The following SZT2 variants were observed in gnomAD, a reference collection of about 807,000 sequenced individuals.
SZT2 encodes the protein SZT2 subunit of KICSTOR complex, also known as KICSTOR complex protein SZT2.
In SZT2, 216 loss-of-function variants were observed where a neutral mutation model predicts 404.2. The ratio of observed to expected loss-of-function variants is 0.53; its 90% CI spans 0.48 to 0.60. SZT2 has a LOEUF of 0.60. Ranked by LOEUF, SZT2 falls within the 20% of genes least tolerant of loss-of-function variation. The probability of loss-of-function intolerance (pLI) is 0.00; values close to 1 mark genes in which losing one functional copy is unlikely to be tolerated. For synonymous variants in SZT2, 1,693 were observed against 1,749.9 expected (o/e 0.97, Z 0.81); for missense variants, 3,857 against 4,459.2 (o/e 0.86, Z 3.85).
intron 4 of SZT2, among the ~76,000 whole-genome samples, chr1:43,414,178 G>C (rs1338872737): frequency 6.6e-6 from 1 of 152,014 alleles, no homozygotes; most frequent in Non-Finnish European, 1.5e-5. Context: ...GCTGAGGAAG[G>C]CTGAGGCACA....
chr1:43,419,690 A>G (rs1226462586), intron 7 of SZT2, 44 bp from the exon 8 acceptor site: 3 of 1,505,526 alleles, frequency 2.0e-6, no homozygotes, highest in East Asian at 4.6e-5. Flanking sequence ...TCCTTCTCCT[A>G]TGCCTCTGTC....
intron 1 of SZT2, among the ~76,000 whole-genome samples, chr1:43,401,400 G>A (rs1052474668): frequency 6.6e-6 from 1 of 152,152 alleles, no homozygotes; most frequent in Admixed American, 6.5e-5. Flanking sequence ...GCTAATAAGT[G>A]GATGAATTGG....
At position 43,452,951 on chromosome 1, in the gene SZT2, A is replaced by C; in HGVS notation, c.*2471A>C. On this transcript the variant is annotated 3_prime_UTR_variant, in exon 72 of 72. Coordinates refer to ENST00000634258, the MANE Select transcript of SZT2 (RefSeq NM_001365999.1). ...CAAATACACCAGGCCTCCTCTTGCC[A>C]CAGCACCCTTGCAAGGAACACTCAA... 6.2e-7 allele frequency: 1 copy of C among 1,609,758 alleles called. No homozygotes were observed. Among genetic ancestry groups the C allele is most frequent in the Non-Finnish European group, 8.5e-7 (1 of 1,178,694 alleles).
chr1:43,431,083 C>T lies in SZT2; in HGVS notation c.4909C>T (p.His1637Tyr), dbSNP rs373010198. The change falls in exon 33 of 72, where the codon CAC becomes TAC. Residue 1637 changes from histidine (H) to tyrosine (Y), a missense_variant. His to Tyr is a moderately conservative substitution (Grantham distance 83). Transcript: ENST00000634258. The stretch of plus-strand genomic sequence containing the variant: ...GCTCCCCACGGCCTCGGACCCTCAG[C>T]ACCACCGGTGTGGCAGCAAGTTTGG... ...VELPTASDPQ[H>Y]HRSTSESSAS... The T allele has an allele frequency of 1.3e-5, 21 of 1,612,774 alleles. No homozygotes were observed. Among genetic ancestry groups the T allele is most frequent in the Non-Finnish European group, 1.4e-5 (16 of 1,179,600 alleles).
intron 4 of SZT2, among the ~76,000 whole-genome samples, chr1:43,413,634 A>G (rs1651339100): frequency 6.6e-6 from 1 of 152,262 alleles, no homozygotes; most frequent in African/African-American, 2.4e-5. Flanking sequence ...AAAAAGAATG[A>G]GATCCTGTCA....
intron 30 of SZT2, 87 bp downstream of exon 30, chr1:43,430,190 G>T: frequency 6.3e-7 from 1 of 1,576,184 alleles, no homozygotes; most frequent in Non-Finnish European, 8.7e-7. Flanking sequence ...CTGAGGCCTG[G>T]ATGTGGCTCT....
At chr1:43,401,750 T>G (rs1649716021) in intron 1 of SZT2, among the ~76,000 whole-genome samples, 1 of 152,216 alleles carries the variant, frequency 6.6e-6, no homozygotes, top group Non-Finnish European at 1.5e-5. Flanking sequence ...CCTCCTGAAG[T>G]GCTGGGATTA....
In SZT2 at chr1:43,441,522, A is replaced by T. The variant is rs189560501; in HGVS notation, c.7530A>T (p.Leu2510=). 3.0e-5 allele frequency: 48 copies of T among 1,614,052 alleles called. No homozygotes were observed. In the East Asian group the frequency reaches 1.1e-3, roughly 36 times the overall value. Residue 2510 remains leucine (L), a synonymous_variant, in exon 54 of 72, where the codon CTA becomes CTT. Transcript: ENST00000634258. This position sits in a 1 kb window ranked among gnomAD's most constrained non-coding sequence, Gnocchi z 4.8. ...AQRQKRRTTQ[L]EEGEVGTLHP... The stretch of plus-strand genomic sequence containing the variant: ...TCTTCAGGCGCCGGACAACACAGCT[A>T]GAAGAGGGTGAGGTGGGGACCCTTC...
At position 43,427,443 on chromosome 1, in the gene SZT2, G is replaced by C; in HGVS notation, c.3596G>C (p.Ser1199Thr). 6.2e-7 allele frequency: 1 copy of C among 1,612,126 alleles called. No individual in the cohort carries two copies. Among genetic ancestry groups the C allele is most frequent in the Non-Finnish European group, 8.5e-7 (1 of 1,178,334 alleles). Residue 1199 changes from serine to threonine, a missense_variant and splice_region_variant, in exon 25 of 72, where the codon AGT (serine) becomes ACT (threonine). This residue lies in a region of SZT2 where 1,725 missense variants were observed against 1,881.0 expected (regional missense o/e 0.92). Transcript: ENST00000634258. ...CCTGTCCTCAGTGTGACCCTGGCTA[G>C]TGGTAAGGCTGCCGACTCAAGGTGG... ...HVPVLSVTLA[S>T]DNAQNQGELS...
At chr1:43,432,686 C>A (rs371726464) in intron 38 of SZT2, 42 bp from the exon 39 acceptor site, 11 of 1,613,266 alleles carry the variant, frequency 6.8e-6, no homozygotes, top group Non-Finnish European at 9.3e-6. Context: ...AGGCCCTAGA[C>A]AGGATTGAGA....
chr1:43,407,401 C>T (rs969038989), intron 4 of SZT2, among the ~76,000 whole-genome samples: 3 of 151,850 alleles, frequency 2.0e-5, no homozygotes, highest in East Asian at 1.9e-4. Context: ...CTGTAATCCC[C>T]GCTGCTTGGG....
intron 1 of SZT2, among the ~76,000 whole-genome samples, chr1:43,402,177 C>T (rs931260414): frequency 6.6e-6 from 1 of 152,208 alleles, no homozygotes; most frequent in East Asian, 1.9e-4. Flanking sequence ...TGTTCTTTCC[C>T]TCATTAATCA....
In SZT2 at chr1:43,426,427, C is replaced by A; in HGVS notation, c.3103C>A (p.Leu1035Met). ...SCPANDMVLC[L>M]LHSCLGQELS... ...TCCTGCCAACGACATGGTGCTGTGC[C>A]TGCTGCACAGCTGCCTGGGGCAGGA... The change falls in exon 22 of 72, where the codon CTG becomes ATG. Residue 1035 changes from leucine to methionine, a missense_variant. Physicochemically the swap from Leu to Met is conservative, Grantham distance 15. Around this residue, in one of 7 missense-constraint regions of SZT2, gnomAD observed 1,725 missense variants for 1,881.0 expected, o/e 0.92. Transcript: ENST00000634258. The surrounding 1 kb of genome is among the most constrained non-coding windows in gnomAD (Gnocchi z 4.9). 6.3e-7 allele frequency: 1 copy of A among 1,595,102 alleles called. No individual in the cohort carries two copies. Among genetic ancestry groups the A allele is most frequent in the East Asian group, 2.2e-5 (1 of 44,702 alleles).
chr1:43,424,130 A>G lies in SZT2; in HGVS notation c.2256-87A>G. 1 of 1,176,838 alleles carries G rather than the reference A, an allele frequency of 8.5e-7. No individual in the cohort carries two copies. 72.9% of individuals were successfully genotyped at this position (1,176,838 alleles called of 1,614,324 possible). A position where few individuals can be genotyped will look rare whatever the true frequency, so the allele number is the denominator to read the frequency against. ...ACAGAGGTGTGGAAGGGCGTGGCTT[A>G]GCCAGCTGTGAGTGGTACAGAGGTG... is the stretch of plus-strand genomic sequence containing the variant. On this transcript the variant is annotated intron_variant, in intron 15 of 71. Coordinates refer to ENST00000634258, the MANE Select transcript of SZT2 (RefSeq NM_001365999.1). This position sits in a 1 kb window ranked among gnomAD's most constrained non-coding sequence, Gnocchi z 4.1.
intron 62 of SZT2, among the ~76,000 whole-genome samples, chr1:43,444,123 A>G (rs879546008): frequency 6.6e-6 from 1 of 152,118 alleles, no homozygotes; most frequent in Non-Finnish European, 1.5e-5. Flanking sequence ...TGGAGATGGA[A>G]TCTCACTGTG....
At chr1:43,435,468 T>C in intron 42 of SZT2, 139 bp downstream of exon 42, 3 of 992,756 alleles carry the variant, frequency 3.0e-6, no homozygotes, top group Non-Finnish European at 2.9e-6. Flanking sequence ...GCAAGGAGGA[T>C]AGGACAGGAA....
chr1:43,433,119 G>A lies in SZT2; in HGVS notation c.5733G>A (p.Gly1911=), dbSNP rs1654097888. ...PPQPSLSGLP[G]PCLPDFWLIV... ...AGCCTTCACTCTCAGGCCTCCCTGGGCCCTGCCTGCCTGACTTCTGGCTCA... is the reference window on the plus strand; with the variant it reads ...AGCCTTCACTCTCAGGCCTCCCTGGACCCTGCCTGCCTGACTTCTGGCTCA... The change falls in exon 40 of 72, where the codon GGG becomes GGA. Residue 1911 remains glycine (G), a synonymous_variant. Transcript: ENST00000634258. 1.2e-6 allele frequency: 2 copies of A among 1,614,032 alleles called. No individual in the cohort carries two copies. The highest frequency in any genetic ancestry group is 1.7e-6 in the Non-Finnish European group (2 of 1,180,038).
At position 43,421,004 on chromosome 1, in the gene SZT2, A is replaced by G. The variant is rs139977211; in HGVS notation, c.1496+21A>G. 1,185 of 1,594,456 alleles carry G rather than the reference A, an allele frequency of 7.4e-4. 7 individuals are homozygous for G. Among genetic ancestry groups the G allele is most frequent in the Middle Eastern group, 7.1e-3 (43 of 6,048 alleles). ...CAGAGGTCAGTGAAGTCATCACTCA[A>G]TGAGTGCTGCCCCATTTGTTGTATG... On this transcript the variant is annotated intron_variant, in intron 10 of 71. Transcript: ENST00000634258.
intron 4 of SZT2, among the ~76,000 whole-genome samples, chr1:43,414,040 G>A (rs186165990): frequency 2.0e-4 from 31 of 152,242 alleles, no homozygotes; most frequent in Non-Finnish European, 3.2e-4. Flanking sequence ...CCAGCACTTT[G>A]GGAGGCTGAG....
Sources: gnomAD v4.1 joint callset for allele counts (sites outside exome capture counted in the v4.1 genomes callset) on GRCh38, gnomAD v4.1.1 for gene constraint, gnomAD v4.1.1 regional missense constraint, Gnocchi (gnomAD v3.1) non-coding constraint, MANE v1.5 for transcripts, NCBI Gene and HGNC (gene_info 2026-07-23, HGNC 2026-07-21) for gene names.